Variants in IQSEC1 observed in about 807,000 individuals in gnomAD.
IQSEC1 encodes the protein IQ motif and SEC7 domain-containing protein 1.
IQSEC1 carries 31 observed loss-of-function variants against 91.0 expected under a neutral mutation model. The observed-to-expected ratio is 0.34, with a 90% CI of 0.26 to 0.46. The LOEUF (loss-of-function observed/expected upper bound fraction) is 0.46, where lower values mean the gene tolerates loss of function less well. IQSEC1 is among the 20% of genes least tolerant of loss of function. IQSEC1 has a pLI of 1.00. For missense variants in IQSEC1, 1,388 were observed against 1,575.6 expected, an observed-to-expected ratio of 0.88 and a Z score of 2.02; for synonymous variants, 699 against 662.6, an observed-to-expected ratio of 1.05 and a Z score of -0.84.
At chr3:13,010,442 AGTC>A (rs994350083) in intron 1 of IQSEC1, among the ~76,000 whole-genome samples, 6 of 152,190 alleles carry the variant, frequency 3.9e-5, no homozygotes, top group African/African-American at 1.4e-4. Flanking sequence ...AACCATGGAG[AGTC>A]GATTCTGTCA....
At chr3:13,158,249 G>C (rs1232945884) in intron 2 of IQSEC1, among the ~76,000 whole-genome samples, 2 of 152,230 alleles carry the variant, frequency 1.3e-5, no homozygotes, top group African/African-American at 2.4e-5. Flanking sequence ...TTTGGAGCCT[G>C]CTCCCATTCC....
chr3:13,120,553 TC>T lies in IQSEC1; in HGVS notation c.302+43550del, dbSNP rs150041644. Among the ~76,000 whole-genome samples, 1,291 of 152,234 alleles carry T rather than the reference TC, an allele frequency of 8.5e-3. 6 individuals carry two copies. Among genetic ancestry groups the T allele is most frequent in the Non-Finnish European group, 0.014 (965 of 68,018 alleles). ...CTCGATTAGTGTTAATTCTTCCTCT[TC>T]CCCGAGGAGGAGCTGCTCACAGTCT... On this transcript the variant is annotated intron_variant, in intron 2 of 15. Coordinates refer to the IQSEC1 transcript ENST00000648114.
chr3:12,926,265 G>T (rs1697117581), intron 3 of IQSEC1, among the ~76,000 whole-genome samples: 1 of 150,920 alleles, frequency 6.6e-6, no homozygotes, highest in African/African-American at 2.4e-5. Flanking sequence ...AGCCGAGATT[G>T]TACCACTACA....
intron 1 of IQSEC1, among the ~76,000 whole-genome samples, chr3:12,965,938 G>A (rs188343731): frequency 0.012 from 1,767 of 152,268 alleles, 43 homozygotes; most frequent in Non-Finnish European, 0.01. Context: ...CTAGAGCAGG[G>A]ACTGGTACAT....
At chr3:12,988,297 C>T (rs1214340995) in intron 1 of IQSEC1, among the ~76,000 whole-genome samples, 1 of 152,152 alleles carries the variant, frequency 6.6e-6, no homozygotes, top group African/African-American at 2.4e-5. Flanking sequence ...AGCCTGTAAT[C>T]CCAGCTACTG....
intron 1 of IQSEC1, among the ~76,000 whole-genome samples, chr3:13,238,749 G>A (rs1694973659): frequency 6.6e-6 from 1 of 152,132 alleles, no homozygotes; most frequent in African/African-American, 2.4e-5. Context: ...GTTTCCCCAT[G>A]TCCTTGAGGA....
rs115745712 is a variant in IQSEC1, at chr3:13,267,907, G to A, written c.272+14804C>T. 7.5e-3 allele frequency among the ~76,000 whole-genome samples: 1,147 copies of A among 152,012 alleles called. 8 individuals are homozygous for A. Among genetic ancestry groups the A allele is most frequent in the African/African-American group, 0.024 (976 of 41,432 alleles). Reference sequence around the variant, plus strand: ...GCTAGGATTACAGGTGTGAACCACCGCGCCTGGCCAGAGTCAGCAAATTTC... The same window carrying A: ...GCTAGGATTACAGGTGTGAACCACCACGCCTGGCCAGAGTCAGCAAATTTC... On this transcript the variant is annotated intron_variant, in intron 1 of 15. Transcript: ENST00000648114.
chr3:13,125,178 T>C (rs1316319694), intron 2 of IQSEC1, among the ~76,000 whole-genome samples: 1 of 152,166 alleles, frequency 6.6e-6, no homozygotes, highest in Non-Finnish European at 1.5e-5. Flanking sequence ...TCCACATCCT[T>C]AAACATGCCA....
At chr3:13,098,333 C>T (rs183512641) in intron 2 of IQSEC1, among the ~76,000 whole-genome samples, 5 of 152,220 alleles carry the variant, frequency 3.3e-5, no homozygotes, top group Admixed American at 1.3e-4. Context: ...GCATAGACGG[C>T]GAAATCTAAC....
At chr3:13,049,849 T>C (rs530599278) in intron 1 of IQSEC1, among the ~76,000 whole-genome samples, 2 of 152,204 alleles carry the variant, frequency 1.3e-5, no homozygotes, top group Non-Finnish European at 2.9e-5. Context: ...CTACATGCTG[T>C]GGTACATGGG....
At chr3:13,017,060 T>A (rs925024033) in intron 1 of IQSEC1, among the ~76,000 whole-genome samples, 2 of 152,192 alleles carry the variant, frequency 1.3e-5, no homozygotes, top group Non-Finnish European at 2.9e-5. Context: ...CAGAACTTCA[T>A]TTCTTTTTGT....
intron 1 of IQSEC1, among the ~76,000 whole-genome samples, chr3:13,279,898 C>T (rs892179379): frequency 6.6e-6 from 1 of 152,206 alleles, no homozygotes; most frequent in South Asian, 2.1e-4. Context: ...TCTCACGGTA[C>T]CCCATTTCCC....
chr3:13,109,046 G>A (rs1706198198), intron 2 of IQSEC1, among the ~76,000 whole-genome samples: 1 of 152,222 alleles, frequency 6.6e-6, no homozygotes, highest in Admixed American at 6.5e-5. Flanking sequence ...ACAGCTCCCA[G>A]AGGCAGCTCC....
intron 2 of IQSEC1, among the ~76,000 whole-genome samples, chr3:13,125,820 G>A (rs572327395): frequency 1.1e-4 from 16 of 152,288 alleles, no homozygotes; most frequent in African/African-American, 3.4e-4. Flanking sequence ...AGGAGGAGCC[G>A]AAGCCAGCTG....
At position 12,900,785 on chromosome 3, in the gene IQSEC1, A is replaced by G. The variant is rs895842227; in HGVS notation, c.*198T>C. On this transcript the variant is annotated 3_prime_UTR_variant, in exon 14 of 14. Coordinates refer to ENST00000613206, the MANE Select transcript of IQSEC1 (RefSeq NM_001134382.3). The stretch of plus-strand genomic sequence containing the variant: ...GAGGTGAGCAGAGCCCAGGGTGCCA[A>G]CAAGAAATGAAATCTGGGCCTTTGT... The G allele has an allele frequency of 2.8e-6, 4 of 1,446,418 alleles. No homozygotes were observed. The African/African-American group carries it at 5.7e-5, about 21-fold the overall frequency. 89.6% of individuals were successfully genotyped at this position (1,446,418 alleles called of 1,614,324 possible). A position where few individuals can be genotyped will look rare whatever the true frequency, so the allele number is the denominator to read the frequency against.
At chr3:13,100,670 T>A (rs1440095706) in intron 2 of IQSEC1, among the ~76,000 whole-genome samples, 1 of 148,756 alleles carries the variant, frequency 6.7e-6, no homozygotes, top group Non-Finnish European at 1.5e-5. Context: ...AAACCCAGAA[T>A]TCTGGGCCAC....
intron 1 of IQSEC1, among the ~76,000 whole-genome samples, chr3:13,244,788 T>G (rs1325815347): frequency 1.3e-5 from 2 of 152,060 alleles, no homozygotes; most frequent in Non-Finnish European, 2.9e-5. Context: ...TGCCAGCCAT[T>G]GACCACGAAG....
chr3:13,209,624 C>T (rs1183656689), intron 1 of IQSEC1, among the ~76,000 whole-genome samples: 3 of 152,212 alleles, frequency 2.0e-5, no homozygotes, highest in Non-Finnish European at 2.9e-5. Context: ...CCCCTGCCTC[C>T]GTGCCCTCTC....
chr3:13,024,804 T>C (rs528039977), intron 1 of IQSEC1, among the ~76,000 whole-genome samples: 24 of 152,358 alleles, frequency 1.6e-4, no homozygotes, highest in African/African-American at 4.8e-4. Flanking sequence ...GTCTTTGCCA[T>C]CCTCGGGGGC....
Sources: gnomAD v4.1 joint callset for allele counts (sites outside exome capture counted in the v4.1 genomes callset) on GRCh38, gnomAD v4.1.1 for gene constraint, MANE v1.5 for transcripts, NCBI Gene and HGNC (gene_info 2026-07-23, HGNC 2026-07-21) for gene names.